ENTREP2: variants seen among roughly 807,000 people sequenced by gnomAD.
ENTREP2 encodes the protein protein ENTREP2.
At chr15:29,327,492 G>C in the ENTREP2 span, among the ~76,000 whole-genome samples, 5 of 151,974 alleles carry the variant, frequency 3.3e-5, no homozygotes, top group African/African-American at 1.2e-4. Flanking sequence ...CTGCTCAGGA[G>C]GCTGAGGCAG....
At chr15:29,120,750 A>ATGAT in the ENTREP2 span, 1 of 152,228 alleles carries the variant, frequency 6.6e-6, no homozygotes, top group Admixed American at 6.5e-5. Flanking sequence ...CAGATGGAAC[A>ATGAT]TGATTGGAGC....
the ENTREP2 span, among the ~76,000 whole-genome samples, chr15:29,618,381 C>T: frequency 6.6e-6 from 1 of 151,190 alleles, no homozygotes; most frequent in Non-Finnish European, 1.5e-5. Context: ...TGAGATCACG[C>T]CATTGCACTC....
the ENTREP2 span, among the ~76,000 whole-genome samples, chr15:29,651,380 G>C: frequency 6.6e-6 from 1 of 152,152 alleles, no homozygotes; most frequent in Non-Finnish European, 1.5e-5. Flanking sequence ...AGACATTCTG[G>C]AAAGGATCCT....
At chr15:29,176,785 T>A in the ENTREP2 span, among the ~76,000 whole-genome samples, 1 of 152,308 alleles carries the variant, frequency 6.6e-6, no homozygotes, top group African/African-American at 2.4e-5. Flanking sequence ...TTCCAAATAT[T>A]TACCAAGTTA....
the ENTREP2 span, among the ~76,000 whole-genome samples, chr15:29,132,136 GC>G: frequency 6.6e-6 from 1 of 152,010 alleles, no homozygotes. Context: ...GAGGCCGAGG[GC>G]ACTTTCTACG....
chr15:29,317,714 G>A, the ENTREP2 span, among the ~76,000 whole-genome samples: 1 of 152,136 alleles, frequency 6.6e-6, no homozygotes, highest in Non-Finnish European at 1.5e-5. Flanking sequence ...AAAAAGTGCT[G>A]CTACAGGCTC....
chr15:29,438,174 T>C, the ENTREP2 span, among the ~76,000 whole-genome samples: 1 of 152,108 alleles, frequency 6.6e-6, no homozygotes, highest in Admixed American at 6.5e-5. Context: ...GGAAAGATGA[T>C]CCACAGTTCT....
the ENTREP2 span, among the ~76,000 whole-genome samples, chr15:29,219,614 A>AAAAT: frequency 2.6e-5 from 1 of 38,402 alleles, no homozygotes; most frequent in African/African-American, 7.6e-5. Flanking sequence ...GTGGTGCATA[A>AAAAT]ATATATATAT....
the ENTREP2 span, among the ~76,000 whole-genome samples, chr15:29,488,341 G>A: frequency 2.6e-5 from 4 of 152,114 alleles, no homozygotes; most frequent in East Asian, 1.9e-4. Context: ...GAAAGAACCC[G>A]CGAACATAAA....
At chr15:29,309,926 A>G in the ENTREP2 span, among the ~76,000 whole-genome samples, 6,202 of 152,186 alleles carry the variant, frequency 0.041, 411 homozygotes, top group African/African-American at 0.14. Flanking sequence ...TGACCTGGGC[A>G]TAGGACTGAG....
At chr15:29,296,727 C>T in the ENTREP2 span, among the ~76,000 whole-genome samples, 1 of 152,074 alleles carries the variant, frequency 6.6e-6, no homozygotes, top group Non-Finnish European at 1.5e-5. Flanking sequence ...CTGCTGTAAT[C>T]AAGTACCACA....
the ENTREP2 span, among the ~76,000 whole-genome samples, chr15:29,537,230 G>C: frequency 6.6e-6 from 1 of 152,118 alleles, no homozygotes; most frequent in Non-Finnish European, 1.5e-5. Flanking sequence ...GCAGAGAAAG[G>C]GTCCTAAAGG....
the ENTREP2 span, among the ~76,000 whole-genome samples, chr15:29,539,304 T>C: frequency 6.7e-6 from 1 of 149,936 alleles, no homozygotes; most frequent in Non-Finnish European, 1.5e-5. Flanking sequence ...TGAACACAAC[T>C]GCTGGTGTGC....
chr15:29,120,370 T>C, the ENTREP2 span: 1 of 152,244 alleles, frequency 6.6e-6, no homozygotes, highest in African/African-American at 2.4e-5. Flanking sequence ...GAAAACAATT[T>C]CCTATAAATT....
chr15:29,242,371 A>C, the ENTREP2 span, among the ~76,000 whole-genome samples: 1 of 152,186 alleles, frequency 6.6e-6, no homozygotes, highest in Non-Finnish European at 1.5e-5. Context: ...ACCTGGCCAA[A>C]AGAATTTTTT....
chr15:29,242,638 T>C, the ENTREP2 span, among the ~76,000 whole-genome samples: 1 of 152,240 alleles, frequency 6.6e-6, no homozygotes, highest in Non-Finnish European at 1.5e-5. Flanking sequence ...TTCACTCACA[T>C]GCTCCCCTCC....
At chr15:29,634,666 C>G in the ENTREP2 span, among the ~76,000 whole-genome samples, 2 of 152,204 alleles carry the variant, frequency 1.3e-5, no homozygotes, top group African/African-American at 2.4e-5. Flanking sequence ...AAGACTACCC[C>G]CCTTCCCAGC....
At chr15:29,642,960 T>A in the ENTREP2 span, among the ~76,000 whole-genome samples, 1 of 152,076 alleles carries the variant, frequency 6.6e-6, no homozygotes, top group Non-Finnish European at 1.5e-5. Context: ...GATGTCTACA[T>A]GCAAAAGAAT....
the ENTREP2 span, chr15:29,136,917 C>A: frequency 1.1e-6 from 1 of 915,326 alleles, no homozygotes; most frequent in Non-Finnish European, 1.5e-6. Flanking sequence ...CCCTCTCCTT[C>A]CACTGCCCCT....
Sources: gnomAD v4.1 joint callset for allele counts (sites outside exome capture counted in the v4.1 genomes callset) on GRCh38, gnomAD v4.1.1 for gene constraint, MANE v1.5 for transcripts, NCBI Gene and HGNC (gene_info 2026-07-23, HGNC 2026-07-21) for gene names.